The following PSMD7 variants were observed in gnomAD, a reference collection of about 807,000 sequenced individuals.
PSMD7 encodes proteasome 26S subunit, non-ATPase 7.
A neutral mutation model predicts 36.4 loss-of-function variants in PSMD7; 13 were observed. That is an observed-to-expected ratio of 0.36 (90% CI 0.23 to 0.57). The LOEUF is 0.57. PSMD7 is among the 20% of genes least tolerant of loss of function. PSMD7 has a pLI of 0.83. For missense variants in PSMD7, 298 were observed against 393.6 expected (o/e 0.76, Z 2.06); for synonymous variants, 186 against 151.0 (o/e 1.23, Z -1.70).
chr16:74,300,522 C>A, intron 2 of PSMD7: 1 of 381,968 alleles, frequency 2.6e-6, no homozygotes, highest in Non-Finnish European at 4.9e-6. Context: ...CACAGTTTGT[C>A]AGCCCCTGCA....
intron 1 of PSMD7, 147 bp downstream of exon 1, chr16:74,297,135 C>A: frequency 3.6e-6 from 3 of 844,654 alleles, no homozygotes; most frequent in Non-Finnish European, 5.6e-6. Context: ...AGACCAGCGT[C>A]GGCTCACGAT....
intron 3 of PSMD7, 22 bp from the exon 4 acceptor site, chr16:74,301,533 T>A (rs2034155149): frequency 3.9e-6 from 6 of 1,539,674 alleles, no homozygotes; most frequent in Non-Finnish European, 5.4e-6. Flanking sequence ...AGTTAAAGCC[T>A]GCTAATTTTT....
chr16:74,300,573 G>C (rs568742829), intron 2 of PSMD7: 8 of 278,548 alleles, frequency 2.9e-5, no homozygotes, highest in African/African-American at 1.7e-4. Context: ...ACAGTAAGGA[G>C]AGAGATGGGG....
chr16:74,303,039 T>C (rs2034167512), intron 5 of PSMD7, among the ~76,000 whole-genome samples: 1 of 152,152 alleles, frequency 6.6e-6, no homozygotes, highest in Non-Finnish European at 1.5e-5. Context: ...TTCTCCTGCC[T>C]CTTTAGAAAA....
chr16:74,299,552 A>G (rs1251420773), intron 1 of PSMD7: 2 of 455,258 alleles, frequency 4.4e-6, no homozygotes, highest in Admixed American at 2.4e-5. Flanking sequence ...ATGCCCGGCT[A>G]AGTTTTGTAT....
intron 5 of PSMD7, 115 bp downstream of exon 5, chr16:74,302,407 G>T: frequency 2.4e-6 from 2 of 849,472 alleles, no homozygotes; most frequent in African/African-American, 3.5e-5. Flanking sequence ...AAAGAAGGTA[G>T]TTTTTTTCCC....
chr16:74,301,180 A>C (rs774349801), intron 3 of PSMD7, 36 bp downstream of exon 3: 57 of 1,452,990 alleles, frequency 3.9e-5, no homozygotes, highest in Non-Finnish European at 5.2e-5. Flanking sequence ...ACAGCATAGA[A>C]TTGAACTGTG....
intron 1 of PSMD7, chr16:74,299,814 A>G (rs1398015218): frequency 2.2e-6 from 1 of 455,482 alleles, no homozygotes; most frequent in Non-Finnish European, 4.0e-6. Context: ...TTTTCAGACT[A>G]AGATCTGGGA....
At chr16:74,299,542 A>T (rs1204672076) in intron 1 of PSMD7, 1 of 455,268 alleles carries the variant, frequency 2.2e-6, no homozygotes, top group Admixed American at 2.4e-5. Flanking sequence ...CATCCCCACT[A>T]TGCCCGGCTA....
chr16:74,305,210 T>C, intron 6 of PSMD7, 79 bp from the exon 7 acceptor site: 8 of 1,455,178 alleles, frequency 5.5e-6, no homozygotes, highest in Non-Finnish European at 6.3e-6. Flanking sequence ...CTAGGAATTT[T>C]CTTAGAATGT....
Position 74,305,472 on chromosome 16 carries a change from A to G in PSMD7, c.714A>G (p.Pro238=). 1 of 1,614,174 alleles carries G rather than the reference A, an allele frequency of 6.2e-7. No homozygotes were observed. The highest frequency in any genetic ancestry group is 8.5e-7 in the Non-Finnish European group (1 of 1,180,028). The change falls in exon 7 of 7, where the codon CCA becomes CCG. Residue 238 remains proline, a synonymous_variant. Transcript: ENST00000219313. ...TGCAGGACGTCTTCAACCTGCTGCC[A>G]GATGTCAGCCTGCAGGAGTTCGTCA... ...YQLQDVFNLL[P]DVSLQEFVKA...
At chr16:74,299,111 T>G (rs558795658) in intron 1 of PSMD7, among the ~76,000 whole-genome samples, 7 of 150,402 alleles carry the variant, frequency 4.7e-5, no homozygotes, top group Admixed American at 3.3e-4. Context: ...ATTTGCCAAC[T>G]ATATGCTAAG....
At position 74,301,601 on chromosome 16, in the gene PSMD7, C is replaced by T. The variant is rs200193234; in HGVS notation, c.306C>T (p.His102=). Residue 102 remains histidine, a synonymous_variant, in exon 4 of 7, where the codon CAC becomes CAT. Transcript: ENST00000219313. ...VGWYHTGPKL[H]KNDIAINELM... Reference sequence around the variant, plus strand: ...GGTACCACACAGGCCCTAAACTACACAAGAATGACATTGCCATCAACGAAC... The same window carrying T: ...GGTACCACACAGGCCCTAAACTACATAAGAATGACATTGCCATCAACGAAC... 6.2e-7 allele frequency: 1 copy of T among 1,613,904 alleles called. No homozygotes were observed. Among genetic ancestry groups the T allele is most frequent in the Non-Finnish European group, 8.5e-7 (1 of 1,179,818 alleles).
At chr16:74,298,703 AAAAAAAAC>A (rs1006933948) in intron 1 of PSMD7, among the ~76,000 whole-genome samples, 8 of 152,096 alleles carry the variant, frequency 5.3e-5, no homozygotes, top group Non-Finnish European at 8.8e-5. Flanking sequence ...TCTCTACCAA[AAAAAAAAC>A]AAAAAAACAA....
Position 74,301,796 on chromosome 16 carries a change from A to C in PSMD7, c.357+144A>C, listed in dbSNP as rs550392526. The C allele has an allele frequency of 5.5e-5, 36 of 654,516 alleles. No homozygotes were observed. In the South Asian group the frequency reaches 6.6e-4, roughly 12 times the overall value. The allele number at this position is 654,516 out of a possible 1,614,324, so 40.5% of individuals were successfully genotyped here. On this transcript the variant is annotated intron_variant, in intron 4 of 6. Transcript: ENST00000219313. ...TCTGTTGATTTGTAGTGCTCTGTGA[A>C]GTATACTGTGACCTAATATATTTGA...
chr16:74,305,240 T>C (rs775904877), intron 6 of PSMD7, 49 bp from the exon 7 acceptor site: 2 of 1,545,734 alleles, frequency 1.3e-6, no homozygotes, highest in South Asian at 2.4e-5. Flanking sequence ...CCTGATAACA[T>C]GGTACCCTGA....
chr16:74,299,976 TTACATTGGTTTAGGG>T, intron 1 of PSMD7, 124 bp from the exon 2 acceptor site: 1 of 744,640 alleles, frequency 1.3e-6, no homozygotes, highest in South Asian at 1.6e-5. Flanking sequence ...CCTAACCCTA[TTACATTGGTTTAGGG>T]AGATTAGTTC....
chr16:74,302,110 T>C, intron 4 of PSMD7, 102 bp from the exon 5 acceptor site: 2 of 938,576 alleles, frequency 2.1e-6, no homozygotes, highest in Non-Finnish European at 3.3e-6. Flanking sequence ...TCATTTCTAA[T>C]TGATTACAAG....
At chr16:74,302,553 A>C (rs549625000) in intron 5 of PSMD7, among the ~76,000 whole-genome samples, 3 of 152,280 alleles carry the variant, frequency 2.0e-5, no homozygotes, top group Admixed American at 6.5e-5. Flanking sequence ...GTTGAAGACC[A>C]GCCTGGGCAA....
Sources: allele counts gnomAD v4.1 joint callset (sites outside exome capture counted in the v4.1 genomes callset), GRCh38; gene constraint gnomAD v4.1.1; transcripts MANE v1.5; gene names NCBI Gene and HGNC (gene_info 2026-07-23, HGNC 2026-07-21).